FAM168A: variants seen among roughly 807,000 people sequenced by gnomAD.
FAM168A encodes protein FAM168A.
Under a neutral mutation model 28.5 loss-of-function variants are expected in FAM168A, and 3 were observed. That is an observed-to-expected ratio of 0.11 (90% CI 0.05 to 0.27). FAM168A has a LOEUF of 0.27. Ranked by LOEUF, FAM168A falls within the 10% of genes least tolerant of loss-of-function variation. The probability of loss-of-function intolerance (pLI) is 1.00; values close to 1 mark genes in which losing one functional copy is unlikely to be tolerated. For missense variants in FAM168A, 222 were observed against 311.5 expected, an observed-to-expected ratio of 0.71 and a Z score of 2.16; for synonymous variants, 122 against 124.2, an observed-to-expected ratio of 0.98 and a Z score of 0.12.
intron 6 of FAM168A, 116 bp from the exon 7 acceptor site, chr11:73,407,759 CCT>C: frequency 3.8e-6 from 3 of 798,446 alleles, no homozygotes; most frequent in Non-Finnish European, 6.0e-6. Flanking sequence ...CCCCCATCTC[CCT>C]CGCCTTCCTG....
At chr11:73,553,624 CAAAT>C (rs1197450450) in intron 1 of FAM168A, among the ~76,000 whole-genome samples, 1 of 152,078 alleles carries the variant, frequency 6.6e-6, no homozygotes, top group Admixed American at 6.6e-5. Context: ...TTTCATTTAA[CAAAT>C]ACTTAGTCCC....
At chr11:73,476,929 G>A (rs764965830) in intron 1 of FAM168A, among the ~76,000 whole-genome samples, 5 of 151,950 alleles carry the variant, frequency 3.3e-5, no homozygotes, top group Non-Finnish European at 7.4e-5. Context: ...AAAATAAACT[G>A]TGAGAAACTA....
intron 2 of FAM168A, among the ~76,000 whole-genome samples, chr11:73,433,043 C>G (rs1867023356): frequency 1.4e-5 from 2 of 147,880 alleles, no homozygotes; most frequent in Admixed American, 6.8e-5. Context: ...TCCTGAATAG[C>G]TAGGCCTACA....
intron 2 of FAM168A, among the ~76,000 whole-genome samples, chr11:73,455,953 C>T (rs1867523995): frequency 6.6e-6 from 1 of 152,176 alleles, no homozygotes; most frequent in South Asian, 2.1e-4. Context: ...TACTTCTAGG[C>T]TCTCCCTTCA....
intron 1 of FAM168A, among the ~76,000 whole-genome samples, chr11:73,566,774 T>C (rs1343754965): frequency 6.6e-6 from 1 of 152,164 alleles, no homozygotes; most frequent in East Asian, 1.9e-4. Flanking sequence ...GCAAGACATA[T>C]TACAAATTAT....
chr11:73,499,830 AG>A (rs1181930972), intron 1 of FAM168A, among the ~76,000 whole-genome samples: 1 of 152,164 alleles, frequency 6.6e-6, no homozygotes, highest in East Asian at 1.9e-4. Context: ...TAGAGAAAAA[AG>A]AATGAAAAGG....
rs1001655643 is a variant in FAM168A at position 73,531,800 on chromosome 11, C to T, written c.-18-63308G>A. ...ATCCTGCAAAGCACAGACCAAGTAT[C>T]ACTTTTTTTTTTTTTTTTTTTTGAG... On this transcript the variant is annotated intron_variant, in intron 1 of 7. Coordinates refer to ENST00000356467, the MANE Select transcript of FAM168A (RefSeq NM_015159.3). 3.6e-5 allele frequency among the ~76,000 whole-genome samples: 5 copies of T among 138,610 alleles called. No individual in the cohort carries two copies. In the East Asian group the frequency reaches 1.0e-3, roughly 28 times the overall value. The allele number at this position is 138,610 out of a possible 152,430, so 90.9% of individuals were successfully genotyped here.
chr11:73,555,279 T>G (rs575350320), intron 1 of FAM168A, among the ~76,000 whole-genome samples: 1 of 151,998 alleles, frequency 6.6e-6, no homozygotes, highest in South Asian at 2.1e-4. Context: ...TATACATGAG[T>G]CAGTCAACAA....
rs774197970 is a variant in FAM168A, at chr11:73,405,592, A to T, written c.*1171T>A. ...ATGAGATGATTGCTAAGGTCCCTTC[A>T]GTTCCATGAGTCTATGAAATGTTTA... On this transcript the variant is annotated 3_prime_UTR_variant, in exon 8 of 8. Coordinates refer to ENST00000356467, the MANE Select transcript of FAM168A (RefSeq NM_015159.3). 1.3e-5 allele frequency: 2 copies of T among 152,220 alleles called. No individual in the cohort carries two copies. Among genetic ancestry groups the T allele is most frequent in the African/African-American group, 2.4e-5 (1 of 41,444 alleles). 9.4% of individuals were successfully genotyped at this position (152,220 alleles called of 1,614,324 possible). A position where few individuals can be genotyped will look rare whatever the true frequency, so the allele number is the denominator to read the frequency against.
At chr11:73,585,574 A>G (rs1411511931) in intron 1 of FAM168A, among the ~76,000 whole-genome samples, 1 of 152,216 alleles carries the variant, frequency 6.6e-6, no homozygotes, top group Non-Finnish European at 1.5e-5. Context: ...TATCATCAAG[A>G]AGACTGACCC....
rs771632664 is a variant in FAM168A at position 73,598,020 on chromosome 11, T to G, written c.-116A>C. 6.5e-6 allele frequency: 1 copy of G among 152,726 alleles called. No individual in the cohort carries two copies. Among genetic ancestry groups the G allele is most frequent in the African/African-American group, 2.4e-5 (1 of 41,412 alleles). 9.5% of individuals were successfully genotyped at this position (152,726 alleles called of 1,614,324 possible). A position where few individuals can be genotyped will look rare whatever the true frequency, so the allele number is the denominator to read the frequency against. On this transcript the variant is annotated 5_prime_UTR_variant, in exon 1 of 8. Coordinates refer to ENST00000356467, the MANE Select transcript of FAM168A (RefSeq NM_015159.3). ...TACGGCGGCGACGCTCTCGCCCGTG[T>G]CCAGTAGGGTGGCGGATGGCGCGCG...
At chr11:73,569,562 G>C (rs1039361976) in intron 1 of FAM168A, among the ~76,000 whole-genome samples, 2 of 152,150 alleles carry the variant, frequency 1.3e-5, no homozygotes, top group African/African-American at 4.8e-5. Context: ...GGTGGCTCAT[G>C]CCTGTAATCC....
chr11:73,573,295 T>C (rs1944129347), intron 1 of FAM168A, among the ~76,000 whole-genome samples: 1 of 152,232 alleles, frequency 6.6e-6, no homozygotes, highest in Non-Finnish European at 1.5e-5. Flanking sequence ...TGACGGAAGC[T>C]ACAGTTGTTA....
At chr11:73,497,730 C>T (rs376394036) in intron 1 of FAM168A, among the ~76,000 whole-genome samples, 3 of 151,986 alleles carry the variant, frequency 2.0e-5, no homozygotes, top group East Asian at 3.9e-4. Flanking sequence ...GAGCAGGGAA[C>T]ATCACACACT....
chr11:73,541,425 T>G (rs1196007876), intron 1 of FAM168A, among the ~76,000 whole-genome samples: 1 of 150,582 alleles, frequency 6.6e-6, no homozygotes, highest in African/African-American at 2.4e-5. Flanking sequence ...CAGGCTGGAG[T>G]GCAGTGGCAT....
intron 1 of FAM168A, among the ~76,000 whole-genome samples, chr11:73,512,294 A>AT (rs1191539900): frequency 2.6e-5 from 4 of 152,138 alleles, no homozygotes; most frequent in African/African-American, 9.7e-5. Context: ...TTATACCTAC[A>AT]TTTTTTATGA....
intron 1 of FAM168A, among the ~76,000 whole-genome samples, chr11:73,540,875 A>G (rs1198772247): frequency 6.6e-6 from 1 of 152,174 alleles, no homozygotes; most frequent in Non-Finnish European, 1.5e-5. Context: ...AGCAGTGACC[A>G]CTAGAGCAGG....
chr11:73,580,210 C>T (rs11235811), intron 1 of FAM168A: 41,537 of 488,146 alleles, frequency 0.085, 2,135 homozygotes, highest in Admixed American at 0.13. Flanking sequence ...CTGCATCCCA[C>T]GCCCAGTGCC....
intron 1 of FAM168A, among the ~76,000 whole-genome samples, chr11:73,476,933 G>A (rs1293950634): frequency 2.0e-5 from 3 of 151,920 alleles, no homozygotes; most frequent in Admixed American, 6.6e-5. Flanking sequence ...TAAACTGTGA[G>A]AAACTAGCAA....
Sources: gnomAD v4.1 joint callset for allele counts (sites outside exome capture counted in the v4.1 genomes callset) on GRCh38, gnomAD v4.1.1 for gene constraint, MANE v1.5 for transcripts, NCBI Gene and HGNC (gene_info 2026-07-23, HGNC 2026-07-21) for gene names.